Variants in POPDC2 observed in about 807,000 individuals in gnomAD.
POPDC2 encodes popeye domain cAMP effector 2.
POPDC2 carries 24 observed loss-of-function variants against 30.5 expected under a neutral mutation model. The observed-to-expected ratio is 0.79, with a 90% CI of 0.57 to 1.11. The LOEUF (loss-of-function observed/expected upper bound fraction) is 1.11, where lower values mean the gene tolerates loss of function less well. POPDC2 is among the 50% of genes least tolerant of loss of function. POPDC2 has a pLI of 0.00. For missense variants in POPDC2, 409 were observed against 447.0 expected (o/e 0.91, Z 0.77); for synonymous variants, 185 against 183.3 (o/e 1.01, Z -0.07).
intron 1 of POPDC2, among the ~76,000 whole-genome samples, chr3:119,655,260 G>A (rs2052866928): frequency 1.3e-5 from 2 of 152,162 alleles, no homozygotes; most frequent in South Asian, 4.2e-4. Flanking sequence ...CTCGGGGGTG[G>A]AGGTTGCAGT....
intron 3 of POPDC2, chr3:119,643,418 C>G: frequency 2.0e-6 from 3 of 1,535,496 alleles, no homozygotes; most frequent in Middle Eastern, 1.7e-4. Flanking sequence ...AAAAGCCAAA[C>G]TGGTGGAAAT....
rs768065239 is a variant in POPDC2, at chr3:119,660,471, T to C, written c.-48A>G. 5.2e-6 allele frequency: 8 copies of C among 1,550,474 alleles called. No homozygotes were observed. Among genetic ancestry groups the C allele is most frequent in the Admixed American group, 3.8e-5 (2 of 51,998 alleles). On this transcript the variant is annotated 5_prime_UTR_variant, in exon 1 of 4. It removes an upstream start codon present in the reference 5' UTR. Coordinates refer to ENST00000493094, the MANE Select transcript of POPDC2 (RefSeq NM_001369919.2). ...ACTGGGCTCTAATACTGTCCTCACA[T>C]AGGAAATTCAGAAAATGAATGAATC...
chr3:119,656,439 T>TTGGTTTCA (rs2052879963), intron 1 of POPDC2, among the ~76,000 whole-genome samples: 1 of 152,228 alleles, frequency 6.6e-6, no homozygotes, highest in South Asian at 2.1e-4. Flanking sequence ...GACCACAGGC[T>TTGGTTTCA]TGGTTTCACA....
intron 2 of POPDC2, among the ~76,000 whole-genome samples, chr3:119,649,091 G>A (rs2052781881): frequency 6.6e-6 from 1 of 152,222 alleles, no homozygotes; most frequent in South Asian, 2.1e-4. Flanking sequence ...TAAGAATGAG[G>A]AAGGGTAAGA....
intron 1 of POPDC2, among the ~76,000 whole-genome samples, chr3:119,656,112 T>A (rs370947186): frequency 1.3e-4 from 20 of 151,984 alleles, no homozygotes; most frequent in African/African-American, 2.4e-4. Flanking sequence ...CTAAAAAAAA[T>A]TTTTTTTTAT....
At position 119,659,925 on chromosome 3, in the gene POPDC2, T is replaced by G; in HGVS notation, c.491+8A>C. ...AAGAAATTCTGGGCAATGGATAGAGTAGCTTACCGGCCAGAGAGCAGCAGG... is the reference window on the plus strand; with the variant it reads ...AAGAAATTCTGGGCAATGGATAGAGGAGCTTACCGGCCAGAGAGCAGCAGG... On this transcript the variant is annotated splice_region_variant and intron_variant, in intron 1 of 3. Coordinates refer to ENST00000493094, the MANE Select transcript of POPDC2 (RefSeq NM_001369919.2). The G allele has an allele frequency of 6.4e-7, 1 of 1,572,818 alleles. No individual in the cohort carries two copies. Among genetic ancestry groups the G allele is most frequent in the Non-Finnish European group, 8.7e-7 (1 of 1,154,432 alleles).
At chr3:119,659,253 T>C (rs1368558390) in intron 1 of POPDC2, among the ~76,000 whole-genome samples, 2 of 152,226 alleles carry the variant, frequency 1.3e-5, no homozygotes, top group Admixed American at 1.3e-4. Flanking sequence ...GTATCACTTC[T>C]CTTCTCCCAT....
At chr3:119,657,817 G>T (rs1184486384) in intron 1 of POPDC2, among the ~76,000 whole-genome samples, 1 of 152,138 alleles carries the variant, frequency 6.6e-6, no homozygotes, top group Non-Finnish European at 1.5e-5. Context: ...GAAGATGGAT[G>T]ATCTTCTCCT....
chr3:119,655,877 C>T (rs112388112), intron 1 of POPDC2, among the ~76,000 whole-genome samples: 3 of 152,264 alleles, frequency 2.0e-5, no homozygotes, highest in African/African-American at 7.2e-5. Flanking sequence ...GACCCTTTCC[C>T]GGACCTCTCT....
intron 2 of POPDC2, among the ~76,000 whole-genome samples, chr3:119,653,068 GTGTA>G (rs67814467): frequency 0.19 from 28,701 of 151,690 alleles, 3,244 homozygotes; most frequent in Admixed American, 0.28. Context: ...ATGTGTGTGT[GTGTA>G]TGTGTGTGTG....
At chr3:119,653,037 C>T (rs963326153) in intron 2 of POPDC2, among the ~76,000 whole-genome samples, 5 of 150,016 alleles carry the variant, frequency 3.3e-5, no homozygotes, top group East Asian at 2.0e-4. Flanking sequence ...AGTGTGTGTG[C>T]GCGTGTGTGC....
At chr3:119,651,461 A>C (rs2107818207) in intron 2 of POPDC2, among the ~76,000 whole-genome samples, 1 of 152,112 alleles carries the variant, frequency 6.6e-6, no homozygotes, top group East Asian at 1.9e-4. Flanking sequence ...TTAGAATGTA[A>C]ATTGCATGAG....
chr3:119,648,893 A>G (rs1455885628), intron 2 of POPDC2, among the ~76,000 whole-genome samples: 1 of 151,974 alleles, frequency 6.6e-6, no homozygotes, highest in African/African-American at 2.4e-5. Flanking sequence ...TCAGCCATTC[A>G]CTCACTCACC....
intron 3 of POPDC2, 74 bp from the exon 4 acceptor site, chr3:119,642,635 T>G (rs1389009311): frequency 2.9e-6 from 3 of 1,024,560 alleles, no homozygotes; most frequent in Non-Finnish European, 4.5e-6. Context: ...AGGGTTCTTT[T>G]CAGTTTTTTT....
At chr3:119,652,034 T>C (rs1029806383) in intron 2 of POPDC2, among the ~76,000 whole-genome samples, 4 of 144,962 alleles carry the variant, frequency 2.8e-5, no homozygotes, top group Non-Finnish European at 6.0e-5. Context: ...ACATATCTGT[T>C]GTAACGTTTT....
chr3:119,660,665 T>TCGC (rs1170255192), upstream of POPDC2: 2 of 132,466 alleles, frequency 1.5e-5, no homozygotes, highest in Admixed American at 1.3e-4. Flanking sequence ...TCCCCCCCTC[T>TCGC]CTCCTCCCCA....
intron 1 of POPDC2, 112 bp downstream of exon 1, chr3:119,659,821 C>CAATGGAAGGGGACACGA: frequency 7.6e-7 from 1 of 1,322,740 alleles, no homozygotes; most frequent in Non-Finnish European, 1.0e-6. Context: ...ATCCTTCCCT[C>CAATGGAAGGGGACACGA]AATGGAAGGG....
At chr3:119,656,356 A>T (rs534887316) in intron 1 of POPDC2, among the ~76,000 whole-genome samples, 1 of 152,054 alleles carries the variant, frequency 6.6e-6, no homozygotes, top group South Asian at 2.1e-4. Context: ...AGAAATCCGA[A>T]TTATTTGCTT....
chr3:119,658,118 C>T (rs546989515), intron 1 of POPDC2, among the ~76,000 whole-genome samples: 28 of 152,288 alleles, frequency 1.8e-4, no homozygotes, highest in South Asian at 1.5e-3. Context: ...TTCTTGTCTG[C>T]TGCTTTGAGA....
Sources: allele counts gnomAD v4.1 joint callset (sites outside exome capture counted in the v4.1 genomes callset), GRCh38; gene constraint gnomAD v4.1.1; transcripts MANE v1.5; gene names NCBI Gene and HGNC (gene_info 2026-07-23, HGNC 2026-07-21).